Variants in RAD54L2 observed in about 807,000 individuals in gnomAD.
RAD54L2 encodes the protein helicase ARIP4.
Under a neutral mutation model 138.4 loss-of-function variants are expected in RAD54L2, and 27 were observed. That is an observed-to-expected ratio of 0.20 (90% confidence interval 0.14 to 0.27). RAD54L2 has a LOEUF of 0.27. RAD54L2 is among the 10% of genes least tolerant of loss of function. The pLI is 1.00. For missense variants in RAD54L2, 1,396 were observed against 1,890.2 expected (o/e 0.74, Z 4.85); for synonymous variants, 644 against 723.2 (o/e 0.89, Z 1.76).
intron 3 of RAD54L2, among the ~76,000 whole-genome samples, chr3:51,598,315 T>C (rs1411625944): frequency 3.9e-5 from 6 of 151,990 alleles, no homozygotes; most frequent in Admixed American, 3.9e-4. Context: ...TGCCATCCTT[T>C]TACCTGCCCC....
rs189623906 is a variant in RAD54L2 at position 51,547,801 on chromosome 3, C to T, written c.-55+6151C>T. Among the ~76,000 whole-genome samples, 6 of 152,162 alleles carry T rather than the reference C, an allele frequency of 3.9e-5. No individual in the cohort carries two copies. In the East Asian group the frequency reaches 1.2e-3, roughly 29 times the overall value. ...TTTGCCATGTTACCCAGGCTAGTTT[C>T]GAACTCCTGAGCTCAAGCGATTCAC... On this transcript the variant is annotated intron_variant, in intron 2 of 22. Coordinates refer to ENST00000684192, the MANE Select transcript of RAD54L2 (RefSeq NM_015106.4).
intron 2 of RAD54L2, among the ~76,000 whole-genome samples, chr3:51,549,593 C>A (rs779000606): frequency 6.6e-6 from 1 of 151,950 alleles, no homozygotes; most frequent in Non-Finnish European, 1.5e-5. Context: ...GCCTGGCCAA[C>A]GTGGTGAAAC....
chr3:51,592,062 T>G (rs1055454655), intron 3 of RAD54L2, among the ~76,000 whole-genome samples: 3 of 127,494 alleles, frequency 2.4e-5, no homozygotes, highest in African/African-American at 8.8e-5. Context: ...GTGTTTTTTT[T>G]TTTTTTTTTT....
rs1389074440 is a variant in RAD54L2 at position 51,645,264 on chromosome 3, T to A, written c.2656+35T>A. On this transcript the variant is annotated intron_variant, in intron 17 of 22. Coordinates refer to ENST00000684192, the MANE Select transcript of RAD54L2 (RefSeq NM_015106.4). The surrounding 1 kb of genome is among the most constrained non-coding windows in gnomAD (Gnocchi z 6.1). The stretch of plus-strand genomic sequence containing the variant: ...CTTCCAGACTTCGGAGAGGCACATC[T>A]ATACAGGCTACCATCCTTTTAGTAT... 1.6e-5 allele frequency: 25 copies of A among 1,544,804 alleles called. No individual in the cohort carries two copies. The highest frequency in any genetic ancestry group is 2.2e-5 in the Non-Finnish European group (25 of 1,128,398).
At chr3:51,631,874 T>C (rs1188979344) in intron 7 of RAD54L2, among the ~76,000 whole-genome samples, 1 of 152,196 alleles carries the variant, frequency 6.6e-6, no homozygotes, top group Admixed American at 6.5e-5. Flanking sequence ...GCTCAAGCAG[T>C]CCTCCTGCCT....
In RAD54L2 at chr3:51,547,991, A is replaced by G. The variant is rs1698740365; in HGVS notation, c.-55+6341A>G. Among the ~76,000 whole-genome samples the G allele has an allele frequency of 2.0e-5, 3 of 151,868 alleles. No individual in the cohort carries two copies. In the South Asian group the frequency reaches 6.2e-4, roughly 32 times the overall value. On this transcript the variant is annotated intron_variant, in intron 2 of 22. Transcript: ENST00000684192. ...CCTGCAACCTCTGCCTCCTGCGTTC[A>G]AGCGATTCTCCTGCCTCAGCCTTCC...
At chr3:51,563,715 A>G (rs1699150694) in intron 2 of RAD54L2, among the ~76,000 whole-genome samples, 1 of 152,128 alleles carries the variant, frequency 6.6e-6, no homozygotes, top group African/African-American at 2.4e-5. Flanking sequence ...TCTGTGTTTA[A>G]GCATTTGGTA....
intron 3 of RAD54L2, among the ~76,000 whole-genome samples, chr3:51,601,865 T>G (rs1184690482): frequency 6.7e-6 from 1 of 148,578 alleles, no homozygotes; most frequent in Non-Finnish European, 1.5e-5. Context: ...TTTTTTGTTG[T>G]TTTTTTTTTC....
rs779030766 is a variant in RAD54L2, at chr3:51,601,310, C to CTTTTTTTTTTTTTT, written c.139+10753_139+10766dup. 2.2e-3 allele frequency among the ~76,000 whole-genome samples: 265 copies of CTTTTTTTTTTTTTT among 123,040 alleles called. 2 individuals are homozygous for CTTTTTTTTTTTTTT. The highest frequency in any genetic ancestry group is 7.5e-3 in the African/African-American group (244 of 32,662). The allele number at this position is 123,040 out of a possible 152,430, so 80.7% of individuals were successfully genotyped here. On this transcript the variant is annotated intron_variant, in intron 3 of 22. Coordinates refer to ENST00000684192, the MANE Select transcript of RAD54L2 (RefSeq NM_015106.4). ...TACAGGCATGAACCACTGCGCCCGG[C>CTTTTTTTTTTTTTT]TTTTTTTTTTTTTTTGAGAGGGAGT...
intron 2 of RAD54L2, among the ~76,000 whole-genome samples, chr3:51,588,848 C>T (rs907896125): frequency 3.9e-5 from 6 of 152,164 alleles, no homozygotes; most frequent in African/African-American, 9.7e-5. Flanking sequence ...CTTCTAGCTC[C>T]TGTGTACTCC....
intron 2 of RAD54L2, among the ~76,000 whole-genome samples, chr3:51,552,561 CTTTTT>C (rs58505964): frequency 1.7e-4 from 18 of 106,730 alleles, no homozygotes; most frequent in East Asian, 7.6e-4. Context: ...TGCGCCTGGC[CTTTTT>C]TTTTTTTTTT....
intron 3 of RAD54L2, among the ~76,000 whole-genome samples, chr3:51,619,376 T>A (rs1700518915): frequency 6.6e-6 from 1 of 152,190 alleles, no homozygotes; most frequent in South Asian, 2.1e-4. Flanking sequence ...TCTTAAATAT[T>A]TTTGAGACTG....
At position 51,637,616 on chromosome 3, in the gene RAD54L2, G is replaced by C; in HGVS notation, c.1682+113G>C. On this transcript the variant is annotated intron_variant, in intron 11 of 22. Coordinates refer to ENST00000684192, the MANE Select transcript of RAD54L2 (RefSeq NM_015106.4). The surrounding 1 kb of genome is among the most constrained non-coding windows in gnomAD (Gnocchi z 5.9). ...TTGGAGTAGGAGGGCCCCTTCCCTG[G>C]GGCAGTAGTAAAACTTTGCTTCCTG... The C allele has an allele frequency of 2.9e-6, 3 of 1,052,564 alleles. No homozygotes were observed. In the Admixed American group the frequency reaches 8.3e-5, roughly 29 times the overall value. 65.2% of individuals were successfully genotyped at this position (1,052,564 alleles called of 1,614,324 possible).
chr3:51,543,781 A>G (rs1698618831), intron 2 of RAD54L2, among the ~76,000 whole-genome samples: 1 of 152,082 alleles, frequency 6.6e-6, no homozygotes, highest in African/African-American at 2.4e-5. Flanking sequence ...GCTCAGTTAT[A>G]GTGAACTCCT....
chr3:51,599,771 C>T (rs1700041264), intron 3 of RAD54L2, among the ~76,000 whole-genome samples: 2 of 150,256 alleles, frequency 1.3e-5, no homozygotes, highest in Admixed American at 1.3e-4. Flanking sequence ...AGGGCAAAAA[C>T]CGCGATTACT....
intron 3 of RAD54L2, among the ~76,000 whole-genome samples, chr3:51,597,165 CAAAAAAA>C (rs145812228): frequency 6.3e-4 from 31 of 49,268 alleles, no homozygotes; most frequent in Admixed American, 1.2e-3. Flanking sequence ...GACTTCATTT[CAAAAAAA>C]AAAAAAAAAA....
intron 21 of RAD54L2, among the ~76,000 whole-genome samples, chr3:51,658,113 T>A (rs1005850694): frequency 8.6e-5 from 13 of 151,498 alleles, no homozygotes; most frequent in African/African-American, 2.9e-4. Context: ...TTTTTTTTTT[T>A]AGTAGAGATG....
intron 2 of RAD54L2, among the ~76,000 whole-genome samples, chr3:51,559,298 A>T (rs865882604): frequency 1.3e-5 from 2 of 152,204 alleles, no homozygotes; most frequent in Non-Finnish European, 2.9e-5. Flanking sequence ...CTAACCTCTT[A>T]TAAGGAATCT....
chr3:51,570,788 G>A (rs116829479), intron 2 of RAD54L2, among the ~76,000 whole-genome samples: 2,871 of 152,222 alleles, frequency 0.019, 104 homozygotes, highest in African/African-American at 0.066. Flanking sequence ...TGTCATTGGC[G>A]TGGTGTCTTT....
Sources: gnomAD v4.1 joint callset for allele counts (sites outside exome capture counted in the v4.1 genomes callset) on GRCh38, gnomAD v4.1.1 for gene constraint, Gnocchi (gnomAD v3.1) non-coding constraint, MANE v1.5 for transcripts, NCBI Gene and HGNC (gene_info 2026-07-23, HGNC 2026-07-21) for gene names.